GPC6: variants seen among roughly 807,000 people sequenced by gnomAD.
The protein encoded by GPC6 is glypican-6.
GPC6 carries 14 observed loss-of-function variants against 55.2 expected under a neutral mutation model. The ratio of observed to expected loss-of-function variants is 0.25; its 90% confidence interval spans 0.17 to 0.40. The LOEUF (loss-of-function observed/expected upper bound fraction) is 0.40, where lower values mean the gene tolerates loss of function less well. GPC6 is among the 10% of genes least tolerant of loss of function. The pLI is 1.00. For synonymous variants in GPC6, 278 were observed against 259.6 expected, an observed-to-expected ratio of 1.07 and a Z score of -0.68; for missense variants, 641 against 708.5, an observed-to-expected ratio of 0.90 and a Z score of 1.08.
chr13:93,609,623 C>A (rs1466293413), intron 2 of GPC6, among the ~76,000 whole-genome samples: 1 of 152,166 alleles, frequency 6.6e-6, no homozygotes, highest in East Asian at 1.9e-4. Context: ...GGTTTTGCTG[C>A]CTGATTGATC....
chr13:93,344,235 G>A (rs1199280217), intron 1 of GPC6, among the ~76,000 whole-genome samples: 2 of 152,122 alleles, frequency 1.3e-5, no homozygotes, highest in Admixed American at 6.6e-5. Context: ...CCGCCTCTTT[G>A]TTTTCTGAGT....
At chr13:94,154,037 G>T (rs1333278406) in intron 4 of GPC6, among the ~76,000 whole-genome samples, 5 of 152,048 alleles carry the variant, frequency 3.3e-5, no homozygotes, top group African/African-American at 1.2e-4. Context: ...TCAGCATATT[G>T]TCCTACAGTT....
chr13:93,324,594 A>ATG (rs1879581269), intron 1 of GPC6, among the ~76,000 whole-genome samples: 1 of 128,686 alleles, frequency 7.8e-6, no homozygotes, highest in Non-Finnish European at 1.6e-5. Flanking sequence ...ATACATATAT[A>ATG]TATATATATA....
At chr13:93,780,146 A>G (rs1885591476) in intron 2 of GPC6, among the ~76,000 whole-genome samples, 1 of 152,188 alleles carries the variant, frequency 6.6e-6, no homozygotes, top group Non-Finnish European at 1.5e-5. Context: ...GAAAACAAAT[A>G]TGGATTCAAG....
intron 3 of GPC6, among the ~76,000 whole-genome samples, chr13:93,917,591 T>G (rs908815368): frequency 6.6e-6 from 1 of 152,150 alleles, no homozygotes; most frequent in Non-Finnish European, 1.5e-5. Flanking sequence ...CTGAGGGCAT[T>G]TGGAGCAAAG....
At chr13:94,311,043 T>G (rs1876217480) in intron 6 of GPC6, among the ~76,000 whole-genome samples, 1 of 152,150 alleles carries the variant, frequency 6.6e-6, no homozygotes, top group African/African-American at 2.4e-5. Flanking sequence ...TTTCCTGATA[T>G]CTTTCAGAGC....
intron 4 of GPC6, among the ~76,000 whole-genome samples, chr13:94,186,547 A>G (rs989836390): frequency 3.9e-5 from 6 of 152,198 alleles, no homozygotes; most frequent in Non-Finnish European, 7.3e-5. Context: ...ACCGCAACAG[A>G]TTCTTTGAAA....
chr13:93,544,349 G>C (rs1029166081), intron 1 of GPC6, among the ~76,000 whole-genome samples: 1 of 152,066 alleles, frequency 6.6e-6, no homozygotes, highest in Non-Finnish European at 1.5e-5. Flanking sequence ...TAATCACAGA[G>C]TCAAGCACTT....
At position 93,858,308 on chromosome 13, in the gene GPC6, T is replaced by G. The variant is rs141350058; in HGVS notation, c.711+27763T>G. ...CATTATATTATTAATTGAGCTTGTATAAATAAATAATGGCCAATGGATTAT... is the reference window on the plus strand; with the variant it reads ...CATTATATTATTAATTGAGCTTGTAGAAATAAATAATGGCCAATGGATTAT... On this transcript the variant is annotated intron_variant, in intron 3 of 8. Transcript: ENST00000377047. Among the ~76,000 whole-genome samples the G allele has an allele frequency of 2.6e-3, 397 of 151,790 alleles. 4 individuals are homozygous for G. Among genetic ancestry groups the G allele is most frequent in the African/African-American group, 9.3e-3 (384 of 41,498 alleles).
intron 2 of GPC6, among the ~76,000 whole-genome samples, chr13:93,761,518 A>G (rs1296444448): frequency 1.3e-5 from 2 of 152,134 alleles, no homozygotes; most frequent in South Asian, 2.1e-4. Flanking sequence ...TTTTAGTTTT[A>G]AAATTTTTAA....
chr13:93,293,666 T>C (rs536674306), intron 1 of GPC6, among the ~76,000 whole-genome samples: 1 of 152,376 alleles, frequency 6.6e-6, no homozygotes, highest in South Asian at 2.1e-4. Context: ...GCACACTAAA[T>C]AGCACACTAT....
chr13:93,423,013 C>T (rs531738723), intron 1 of GPC6, among the ~76,000 whole-genome samples: 2 of 152,054 alleles, frequency 1.3e-5, no homozygotes, highest in Admixed American at 6.6e-5. Flanking sequence ...TGGGAGTCAG[C>T]ATTGGGTAGT....
At chr13:94,071,239 T>A (rs745503738) in intron 4 of GPC6, among the ~76,000 whole-genome samples, 1 of 152,220 alleles carries the variant, frequency 6.6e-6, no homozygotes, top group Non-Finnish European at 1.5e-5. Context: ...ATTTCAATGA[T>A]GAATAGTCTT....
chr13:93,419,897 A>G (rs1224976129), intron 1 of GPC6, among the ~76,000 whole-genome samples: 1 of 152,156 alleles, frequency 6.6e-6, no homozygotes, highest in East Asian at 1.9e-4. Context: ...TACTGTGTCT[A>G]TTATATTGGG....
At chr13:94,031,502 G>A (rs1043623923) in intron 4 of GPC6, among the ~76,000 whole-genome samples, 1 of 152,142 alleles carries the variant, frequency 6.6e-6, no homozygotes, top group East Asian at 1.9e-4. Flanking sequence ...AGAAGAAACA[G>A]GAGAGTGGCT....
At chr13:93,962,327 A>G (rs901380106) in intron 3 of GPC6, among the ~76,000 whole-genome samples, 1 of 152,158 alleles carries the variant, frequency 6.6e-6, no homozygotes, top group Non-Finnish European at 1.5e-5. Context: ...TTAATTATTG[A>G]TAAGAATGGT....
At chr13:94,328,989 A>G (rs966722088) in intron 6 of GPC6, among the ~76,000 whole-genome samples, 8 of 152,224 alleles carry the variant, frequency 5.3e-5, no homozygotes, top group African/African-American at 1.7e-4. Flanking sequence ...ACATTGACCA[A>G]TGGGTCCCCA....
chr13:93,289,470 A>G (rs964355607), intron 1 of GPC6, among the ~76,000 whole-genome samples: 2 of 152,236 alleles, frequency 1.3e-5, no homozygotes, highest in Non-Finnish European at 2.9e-5. Context: ...TAAAAGTAGT[A>G]TTAGGAAAAG....
intron 4 of GPC6, among the ~76,000 whole-genome samples, chr13:94,276,658 C>T (rs1275210357): frequency 6.6e-6 from 1 of 151,984 alleles, no homozygotes; most frequent in African/African-American, 2.4e-5. Flanking sequence ...TCTCATTGTT[C>T]AACTCCCACC....
Sources: gnomAD v4.1 joint callset for allele counts (sites outside exome capture counted in the v4.1 genomes callset) on GRCh38, gnomAD v4.1.1 for gene constraint, MANE v1.5 for transcripts, NCBI Gene and HGNC (gene_info 2026-07-23, HGNC 2026-07-21) for gene names.